Variants in CAP2 observed in about 807,000 individuals in gnomAD.
CAP2 encodes adenylyl cyclase-associated protein 2.
A neutral mutation model predicts 57.7 loss-of-function variants in CAP2; 24 were observed. That is an observed-to-expected ratio of 0.42 (90% confidence interval 0.30 to 0.58). The LOEUF (loss-of-function observed/expected upper bound fraction) is 0.58. Among genes scored for constraint, CAP2 ranks in the 20% least tolerant of loss-of-function variants. CAP2 has a pLI of 0.22. For missense variants in CAP2, 501 were observed against 590.3 expected (o/e 0.85, Z 1.57); for synonymous variants, 194 against 207.2 (o/e 0.94, Z 0.55).
intron 6 of CAP2, among the ~76,000 whole-genome samples, chr6:17,508,761 T>TC (rs1005413172): frequency 2.6e-5 from 4 of 151,498 alleles, no homozygotes; most frequent in Admixed American, 2.0e-4. Flanking sequence ...CCTTCTTTTT[T>TC]TTTTTTTGAG....
At chr6:17,484,418 C>T (rs547747444) in intron 4 of CAP2, among the ~76,000 whole-genome samples, 3 of 152,274 alleles carry the variant, frequency 2.0e-5, no homozygotes, top group Admixed American at 6.5e-5. Flanking sequence ...GTCAGACATA[C>T]GCTGTGCATC....
At chr6:17,467,837 T>TGCAA (rs1760909463) in intron 4 of CAP2, among the ~76,000 whole-genome samples, 1 of 152,168 alleles carries the variant, frequency 6.6e-6, no homozygotes, top group Non-Finnish European at 1.5e-5. Context: ...CTTCGTTATT[T>TGCAA]TAAAATGTGC....
At chr6:17,526,280 A>T (rs574640847) in intron 7 of CAP2, among the ~76,000 whole-genome samples, 6 of 151,752 alleles carry the variant, frequency 4.0e-5, no homozygotes, top group Non-Finnish European at 7.4e-5. Flanking sequence ...ACCATACCTG[A>T]CTAATTTTTG....
intron 4 of CAP2, among the ~76,000 whole-genome samples, chr6:17,480,952 A>ATTT (rs59581120): frequency 1.8e-4 from 13 of 70,726 alleles, no homozygotes; most frequent in African/African-American, 5.2e-4. Context: ...CTAATTTTGT[A>ATTT]TTTTTTTTTT....
chr6:17,444,492 CTG>C (rs750267775), intron 3 of CAP2, among the ~76,000 whole-genome samples: 7 of 151,850 alleles, frequency 4.6e-5, no homozygotes, highest in Non-Finnish European at 8.8e-5. Flanking sequence ...CAAAAATTAA[CTG>C]GGTGTGGTGG....
At chr6:17,459,486 G>A (rs2328106) in intron 3 of CAP2, among the ~76,000 whole-genome samples, 20,567 of 152,186 alleles carry the variant, frequency 0.14, 4,504 homozygotes, top group African/African-American at 0.46. Flanking sequence ...CAAGTAATGT[G>A]TCAGAAAGGA....
At chr6:17,440,606 CTG>C (rs59523403) in intron 3 of CAP2, among the ~76,000 whole-genome samples, 8,182 of 143,230 alleles carry the variant, frequency 0.057, 1,022 homozygotes, top group African/African-American at 0.2. Flanking sequence ...TGAAAACAAA[CTG>C]TGTGTGGTGT....
At chr6:17,546,171 T>G (rs949776911) in intron 11 of CAP2, among the ~76,000 whole-genome samples, 1 of 152,168 alleles carries the variant, frequency 6.6e-6, no homozygotes, top group Non-Finnish European at 1.5e-5. Flanking sequence ...AGTGTAAAAG[T>G]GTTCCTATTT....
intron 7 of CAP2, among the ~76,000 whole-genome samples, chr6:17,519,912 A>G (rs944495699): frequency 2.0e-5 from 3 of 152,196 alleles, no homozygotes; most frequent in Non-Finnish European, 4.4e-5. Context: ...GAGAAATGTG[A>G]TTATTTTATT....
chr6:17,423,489 T>C (rs759111498), intron 2 of CAP2, among the ~76,000 whole-genome samples: 3 of 152,232 alleles, frequency 2.0e-5, no homozygotes, highest in Non-Finnish European at 2.9e-5. Flanking sequence ...TCAGTAACTT[T>C]GTTTCATTAT....
intron 3 of CAP2, among the ~76,000 whole-genome samples, chr6:17,443,873 A>G (rs988593231): frequency 2.0e-5 from 3 of 152,242 alleles, no homozygotes; most frequent in Non-Finnish European, 4.4e-5. Context: ...ATACACACAC[A>G]TATGTTATAA....
intron 1 of CAP2, among the ~76,000 whole-genome samples, chr6:17,394,161 AG>A (rs1225827833): frequency 3.5e-5 from 3 of 86,286 alleles, no homozygotes; most frequent in Admixed American, 1.4e-4. Flanking sequence ...TGAGTCTTCC[AG>A]GGGGGTGGGG....
chr6:17,512,901 G>A (rs1418172687), intron 6 of CAP2, among the ~76,000 whole-genome samples: 2 of 152,136 alleles, frequency 1.3e-5, no homozygotes, highest in Admixed American at 6.5e-5. Flanking sequence ...TATGTCTAGA[G>A]ACAAGTCATT....
chr6:17,533,273 C>T (rs554832398), intron 7 of CAP2, among the ~76,000 whole-genome samples: 45 of 152,110 alleles, frequency 3.0e-4, no homozygotes, highest in Admixed American at 2.8e-3. Context: ...ACCTTCCACA[C>T]ACTGCATATT....
intron 1 of CAP2, among the ~76,000 whole-genome samples, chr6:17,417,609 G>A (rs1047609677): frequency 6.6e-6 from 1 of 152,136 alleles, no homozygotes; most frequent in Non-Finnish European, 1.5e-5. Context: ...AAAGTTGTGC[G>A]ATGTTATGTT....
chr6:17,484,327 GCAAGGCCTTGTCA>G (rs1324034684), intron 4 of CAP2, among the ~76,000 whole-genome samples: 3 of 152,010 alleles, frequency 2.0e-5, no homozygotes, highest in Non-Finnish European at 4.4e-5. Flanking sequence ...CCCTTCTCAC[GCAAGGCCTTGTCA>G]CAAGCTCCTG....
In CAP2 at chr6:17,544,913, A is replaced by C. The variant is rs567605992; in HGVS notation, c.1209+1770A>C. Among the ~76,000 whole-genome samples, 5 of 152,232 alleles carry C rather than the reference A, an allele frequency of 3.3e-5. No homozygotes were observed. In the South Asian group the frequency reaches 8.3e-4, roughly 25 times the overall value. On this transcript the variant is annotated intron_variant, in intron 11 of 12. Coordinates refer to ENST00000229922, the MANE Select transcript of CAP2 (RefSeq NM_006366.3). ...ATTTAATAACACTGCTTTCTCTCCA[A>C]ACTATTACGCATGCAAATTTTAAGG...
intron 11 of CAP2, among the ~76,000 whole-genome samples, chr6:17,546,361 C>T (rs1022793467): frequency 6.6e-6 from 1 of 152,202 alleles, no homozygotes; most frequent in Non-Finnish European, 1.5e-5. Flanking sequence ...AGTGTCTGTT[C>T]ATATCCTTTG....
chr6:17,476,563 A>G (rs1237689171), intron 4 of CAP2, among the ~76,000 whole-genome samples: 1 of 152,218 alleles, frequency 6.6e-6, no homozygotes, highest in Non-Finnish European at 1.5e-5. Flanking sequence ...AGAAGTAACA[A>G]TCAAAGAATC....
Sources: gnomAD v4.1 joint callset for allele counts (sites outside exome capture counted in the v4.1 genomes callset) on GRCh38, gnomAD v4.1.1 for gene constraint, MANE v1.5 for transcripts, NCBI Gene and HGNC (gene_info 2026-07-23, HGNC 2026-07-21) for gene names.